CADM2: variants seen among roughly 807,000 people sequenced by gnomAD.
CADM2 encodes cell adhesion molecule 2.
Under a neutral mutation model 49.8 loss-of-function variants are expected in CADM2, and 12 were observed. The ratio of observed to expected loss-of-function variants is 0.24; its 90% CI spans 0.15 to 0.39. The LOEUF (loss-of-function observed/expected upper bound fraction) is 0.39, where lower values mean the gene tolerates loss of function less well. Among genes scored for constraint, CADM2 ranks in the 10% least tolerant of loss-of-function variants. The probability of loss-of-function intolerance (pLI) is 1.00; values close to 1 mark genes in which losing one functional copy is unlikely to be tolerated. For synonymous variants in CADM2, 214 were observed against 175.4 expected (o/e 1.22, Z -1.74); for missense variants, 378 against 492.3 (o/e 0.77, Z 2.20).
intron 8 of CADM2, among the ~76,000 whole-genome samples, chr3:86,044,596 C>T (rs886292583): frequency 1.3e-5 from 2 of 152,130 alleles, no homozygotes; most frequent in African/African-American, 2.4e-5. Flanking sequence ...AATAGGAACA[C>T]TTTTACACTG....
intron 1 of CADM2, among the ~76,000 whole-genome samples, chr3:85,031,634 C>T (rs1468834760): frequency 2.0e-5 from 3 of 152,190 alleles, no homozygotes; most frequent in Non-Finnish European, 4.4e-5. Flanking sequence ...CCTGCCTCAG[C>T]CTCCCGAGTA....
chr3:85,851,328 T>C (rs1272057319), intron 3 of CADM2, among the ~76,000 whole-genome samples: 1 of 151,892 alleles, frequency 6.6e-6, no homozygotes, highest in Non-Finnish European at 1.5e-5. Context: ...TCTGTCAGAG[T>C]GATTTTTCCT....
chr3:85,406,471 T>A (rs972611177), intron 1 of CADM2, among the ~76,000 whole-genome samples: 4 of 152,174 alleles, frequency 2.6e-5, no homozygotes, highest in African/African-American at 4.8e-5. Flanking sequence ...CTGGGAAAAC[T>A]CAAAACCAAA....
At chr3:85,080,914 A>T (rs1389995470) in intron 1 of CADM2, among the ~76,000 whole-genome samples, 4 of 152,116 alleles carry the variant, frequency 2.6e-5, no homozygotes, top group African/African-American at 9.6e-5. Context: ...ATTAGAATAC[A>T]ATCCAGGACT....
chr3:84,968,742 G>A (rs2031197769), intron 1 of CADM2, among the ~76,000 whole-genome samples: 1 of 152,006 alleles, frequency 6.6e-6, no homozygotes. Flanking sequence ...AGAAGAATCA[G>A]AAATTGTTCC....
At chr3:84,970,044 CTT>C (rs33980527) in intron 1 of CADM2, among the ~76,000 whole-genome samples, 17 of 103,556 alleles carry the variant, frequency 1.6e-4, no homozygotes, top group East Asian at 8.3e-4. Context: ...GACTGACCTG[CTT>C]TTTTTTTTTT....
intron 2 of CADM2, among the ~76,000 whole-genome samples, chr3:85,752,447 C>T (rs2068904605): frequency 7.0e-6 from 1 of 143,544 alleles, no homozygotes; most frequent in African/African-American, 2.6e-5. Flanking sequence ...TCTCTCCCTT[C>T]TCCTTATGTC....
chr3:85,963,884 T>TAATG (rs1725152083), intron 8 of CADM2, among the ~76,000 whole-genome samples: 1 of 151,828 alleles, frequency 6.6e-6, no homozygotes, highest in Non-Finnish European at 1.5e-5. Context: ...TCCCATAGAT[T>TAATG]AATGCTATTC....
intron 1 of CADM2, among the ~76,000 whole-genome samples, chr3:85,633,941 G>A (rs2064385199): frequency 6.6e-6 from 1 of 152,010 alleles, no homozygotes; most frequent in South Asian, 2.1e-4. Context: ...AAAAATGAGG[G>A]AAATTTTAAT....
chr3:85,260,569 A>G (rs2042993630), intron 1 of CADM2, among the ~76,000 whole-genome samples: 1 of 152,148 alleles, frequency 6.6e-6, no homozygotes, highest in African/African-American at 2.4e-5. Context: ...TGAGTACTCC[A>G]TGAAATACAT....
chr3:85,820,134 C>T (rs1436145854), intron 3 of CADM2, among the ~76,000 whole-genome samples: 1 of 151,882 alleles, frequency 6.6e-6, no homozygotes, highest in Non-Finnish European at 1.5e-5. Flanking sequence ...GCTCAGCCAG[C>T]GTGAGCAGAC....
chr3:85,947,404 T>C (rs1722864584), intron 7 of CADM2, among the ~76,000 whole-genome samples: 1 of 151,750 alleles, frequency 6.6e-6, no homozygotes, highest in African/African-American at 2.4e-5. Flanking sequence ...TGTGTCTGTG[T>C]GTGTGTTGTA....
chr3:86,018,748 T>G (rs1732686659), intron 8 of CADM2, among the ~76,000 whole-genome samples: 1 of 152,146 alleles, frequency 6.6e-6, no homozygotes, highest in African/African-American at 2.4e-5. Flanking sequence ...TGTAAATTTG[T>G]TTGAGTTCAT....
chr3:85,208,590 C>G (rs2041706558), intron 1 of CADM2, among the ~76,000 whole-genome samples: 1 of 151,978 alleles, frequency 6.6e-6, no homozygotes, highest in East Asian at 1.9e-4. Flanking sequence ...CAGGAGAAGA[C>G]AAATCTACAT....
chr3:85,970,207 A>T (rs550694368), intron 8 of CADM2, among the ~76,000 whole-genome samples: 1 of 151,538 alleles, frequency 6.6e-6, no homozygotes, highest in East Asian at 2.0e-4. Context: ...AATTTTTCTA[A>T]TAAAAATTTT....
At chr3:85,161,090 T>C (rs909993368) in intron 1 of CADM2, among the ~76,000 whole-genome samples, 3 of 152,224 alleles carry the variant, frequency 2.0e-5, no homozygotes, top group Non-Finnish European at 2.9e-5. Context: ...CATTCTATTA[T>C]ATAAATTGTG....
intron 3 of CADM2, among the ~76,000 whole-genome samples, chr3:85,844,150 T>C (rs1446393276): frequency 1.3e-5 from 2 of 152,074 alleles, no homozygotes; most frequent in Non-Finnish European, 2.9e-5. Flanking sequence ...GAGAAGAATA[T>C]GTGAGATAAT....
chr3:85,123,057 ATTATC>A (rs1159556941), intron 1 of CADM2, among the ~76,000 whole-genome samples: 1 of 152,082 alleles, frequency 6.6e-6, no homozygotes, highest in Admixed American at 6.6e-5. Flanking sequence ...TACATGATAT[ATTATC>A]TTATGTTCCA....
intron 3 of CADM2, among the ~76,000 whole-genome samples, chr3:85,843,483 A>G (rs1324261978): frequency 6.6e-6 from 1 of 152,052 alleles, no homozygotes; most frequent in African/African-American, 2.4e-5. Context: ...TATTAACTAC[A>G]TATTTCAAAC....
Sources: gnomAD v4.1 joint callset for allele counts (sites outside exome capture counted in the v4.1 genomes callset) on GRCh38, gnomAD v4.1.1 for gene constraint, MANE v1.5 for transcripts, NCBI Gene and HGNC (gene_info 2026-07-23, HGNC 2026-07-21) for gene names.